MROH7: variants seen among roughly 807,000 people sequenced by gnomAD.
MROH7 encodes the protein maestro heat-like repeat-containing protein family member 7.
MROH7 carries 113 observed loss-of-function variants against 129.2 expected under a neutral mutation model. The observed-to-expected ratio is 0.87, with a 90% CI of 0.75 to 1.02. The LOEUF is 1.02. Among genes scored for constraint, MROH7 ranks in the 50% least tolerant of loss-of-function variants. The probability of loss-of-function intolerance (pLI) is 0.00; values close to 1 mark genes in which losing one functional copy is unlikely to be tolerated. For missense variants in MROH7, 1,601 were observed against 1,671.3 expected, an observed-to-expected ratio of 0.96 and a Z score of 0.73; for synonymous variants, 655 against 667.9, an observed-to-expected ratio of 0.98 and a Z score of 0.30.
chr1:54,666,596 G>C (rs960511337), intron 4 of MROH7, among the ~76,000 whole-genome samples: 6 of 106,576 alleles, frequency 5.6e-5, no homozygotes, highest in African/African-American at 7.9e-5. Flanking sequence ...CTCTGTGCCC[G>C]GCCCTGGGCT....
intron 1 of MROH7, among the ~76,000 whole-genome samples, chr1:54,644,302 C>T (rs1218159158): frequency 2.0e-5 from 3 of 148,628 alleles, no homozygotes; most frequent in Non-Finnish European, 4.5e-5. Context: ...CTCCCTCCCT[C>T]CCCTGCTCTC....
At chr1:54,685,458 C>T (rs1645132965) in intron 14 of MROH7, among the ~76,000 whole-genome samples, 1 of 152,230 alleles carries the variant, frequency 6.6e-6, no homozygotes, top group Non-Finnish European at 1.5e-5. Context: ...AGATCTGAGG[C>T]CCAGAGGCGC....
chr1:54,700,943 A>G (rs1413330810), intron 18 of MROH7, among the ~76,000 whole-genome samples, 200 bp from the exon 19 acceptor site: 1 of 152,264 alleles, frequency 6.6e-6, no homozygotes, highest in Non-Finnish European at 1.5e-5. Flanking sequence ...GTCCTGGCCA[A>G]CGAGTCAGTG....
chr1:54,663,954 T>A, intron 3 of MROH7: 2 of 329,988 alleles, frequency 6.1e-6, no homozygotes, highest in East Asian at 1.7e-4. Context: ...AGTTCCAGGT[T>A]TTCATAGGCC....
chr1:54,654,534 G>A (rs932137283), intron 3 of MROH7, among the ~76,000 whole-genome samples: 1 of 152,126 alleles, frequency 6.6e-6, no homozygotes, highest in Non-Finnish European at 1.5e-5. Flanking sequence ...TTAGCCAGGC[G>A]TGGTGGCGCA....
chr1:54,674,087 G>A lies in MROH7; in HGVS notation c.1872G>A (p.Glu624=), dbSNP rs1644945748. 2 of 1,613,930 alleles carry A rather than the reference G, an allele frequency of 1.2e-6. No individual in the cohort carries two copies. Among genetic ancestry groups the A allele is most frequent in the Non-Finnish European group, 1.7e-6 (2 of 1,179,958 alleles). The part of the protein sequence containing the change: ...RLILHIGDPD[E]EIGCEALDGI... ...TCCTTCACATTGGGGATCCTGATGA[G>A]GAGATTGGCTGTGAGGCTCTGGACG... Residue 624 remains glutamate (E), a synonymous_variant, in exon 10 of 24, where the codon GAG becomes GAA. Transcript: ENST00000421030.
chr1:54,653,058 G>A lies in MROH7; in HGVS notation c.132G>A (p.Val44=). The A allele has an allele frequency of 6.2e-7, 1 of 1,614,160 alleles. No individual in the cohort carries two copies. The highest frequency in any genetic ancestry group is 8.5e-7 in the Non-Finnish European group (1 of 1,180,032). Residue 44 remains valine, a synonymous_variant, in exon 3 of 24, where the codon GTG becomes GTA. Transcript: ENST00000421030. The part of the protein sequence containing the change: ...IPQPHPDMAQ[V]PMLNLLPSPG... Reference sequence around the variant, plus strand: ...AGCCCCACCCAGACATGGCTCAGGTGCCTATGTTGAATCTGCTCCCAAGTC... The same window carrying A: ...AGCCCCACCCAGACATGGCTCAGGTACCTATGTTGAATCTGCTCCCAAGTC...
chr1:54,707,378 G>A (rs769063221), intron 22 of MROH7, among the ~76,000 whole-genome samples: 4 of 152,148 alleles, frequency 2.6e-5, no homozygotes, highest in Admixed American at 6.5e-5. Flanking sequence ...TCTTCCGTCC[G>A]ATCATTCATC....
chr1:54,656,283 G>A (rs1343590503), intron 3 of MROH7, among the ~76,000 whole-genome samples: 2 of 150,666 alleles, frequency 1.3e-5, no homozygotes, highest in African/African-American at 2.4e-5. Context: ...AGGCTGTGGT[G>A]GGCAGATCAC....
intron 1 of MROH7, among the ~76,000 whole-genome samples, chr1:54,650,672 A>C (rs140298033): frequency 2.0e-4 from 28 of 141,594 alleles, no homozygotes; most frequent in Non-Finnish European, 3.5e-4. Context: ...TTATCTCCCT[A>C]CTTTCCTTAC....
intron 1 of MROH7, among the ~76,000 whole-genome samples, chr1:54,650,898 A>AT (rs1396612106): frequency 6.6e-6 from 1 of 151,774 alleles, no homozygotes. Flanking sequence ...TAATTTTTGT[A>AT]TTTTTTTGTA....
rs575473554 is a variant in MROH7 at position 54,703,207 on chromosome 1, A to G, written c.3564+462A>G. On this transcript the variant is annotated intron_variant, in intron 21 of 23. Coordinates refer to ENST00000421030, the MANE Select transcript of MROH7 (RefSeq NM_001039464.4). This position sits in a 1 kb window ranked among gnomAD's most constrained non-coding sequence, Gnocchi z 4.4. Reference sequence around the variant, plus strand: ...CACCCCTCAGTTAGGCTATTGGCCCAGCCACCCAAGGGGTCTCCCAGCCTT... The same window carrying G: ...CACCCCTCAGTTAGGCTATTGGCCCGGCCACCCAAGGGGTCTCCCAGCCTT... Among the ~76,000 whole-genome samples the G allele has an allele frequency of 1.1e-3, 171 of 152,250 alleles. No individual in the cohort carries two copies. Among genetic ancestry groups the G allele is most frequent in the Non-Finnish European group, 2.2e-3 (148 of 68,004 alleles).
At chr1:54,699,102 C>CTT (rs1247878743) in intron 17 of MROH7, 1 of 50,642 alleles carries the variant, frequency 2.0e-5, no homozygotes, top group African/African-American at 6.6e-5. Flanking sequence ...CCTTTTCTTT[C>CTT]TTTCTTTCTT....
rs369561412 is a variant in MROH7 at position 54,702,072 on chromosome 1, G to A, written c.3286-18G>A. ...GTCCCAGAGGAGGGACCCCCTCTGA[G>A]CCTTTGGTCTTCCCCAGGCACGAGA... On this transcript the variant is annotated intron_variant, in intron 19 of 23. Transcript: ENST00000421030. The A allele has an allele frequency of 1.3e-6, 2 of 1,571,104 alleles. No homozygotes were observed. The highest frequency in any genetic ancestry group is 2.7e-5 in the African/African-American group (2 of 73,164).
rs763320262 is a variant in MROH7 at position 54,678,739 on chromosome 1, C to A, written c.1937-3C>A. On this transcript the variant is annotated splice_polypyrimidine_tract_variant and splice_region_variant and intron_variant, in intron 10 of 23. Coordinates refer to ENST00000421030, the MANE Select transcript of MROH7 (RefSeq NM_001039464.4). ...CCTCACTGAGAAGGTTCTCATCTTG[C>A]AGGAGCCAGAGATAAGGAAGAGACC... 1.2e-6 allele frequency: 2 copies of A among 1,608,094 alleles called. No homozygotes were observed. Among genetic ancestry groups the A allele is most frequent in the Non-Finnish European group, 1.7e-6 (2 of 1,174,706 alleles).
chr1:54,694,941 A>G (rs1358890333), intron 16 of MROH7, among the ~76,000 whole-genome samples: 1 of 152,168 alleles, frequency 6.6e-6, no homozygotes, highest in African/African-American at 2.4e-5. Flanking sequence ...TCACACTTAG[A>G]GCCTCTGTTT....
At chr1:54,700,117 G>A (rs1645408928) in intron 17 of MROH7, 2 of 737,174 alleles carry the variant, frequency 2.7e-6, no homozygotes, top group Non-Finnish European at 4.9e-6. Context: ...ACAGGGGCTC[G>A]GAGCTGGAGA....
chr1:54,663,431 G>A (rs911561165), intron 3 of MROH7, among the ~76,000 whole-genome samples: 7 of 152,058 alleles, frequency 4.6e-5, no homozygotes, highest in African/African-American at 1.4e-4. Context: ...GGAATGCAGT[G>A]GTGCGATCTT....
chr1:54,665,107 G>T, intron 3 of MROH7, 60 bp from the exon 4 acceptor site: 1 of 1,344,058 alleles, frequency 7.4e-7, no homozygotes, highest in East Asian at 2.3e-5. Flanking sequence ...GAGATGGCAT[G>T]ATGGCATCCT....
Sources: gnomAD v4.1 joint callset for allele counts (sites outside exome capture counted in the v4.1 genomes callset) on GRCh38, gnomAD v4.1.1 for gene constraint, Gnocchi (gnomAD v3.1) non-coding constraint, MANE v1.5 for transcripts, NCBI Gene and HGNC (gene_info 2026-07-23, HGNC 2026-07-21) for gene names.